Variants in CEACAM7 observed in about 807,000 individuals in gnomAD.
CEACAM7 encodes the protein cell adhesion molecule CEACAM7.
In CEACAM7, 24 loss-of-function variants were observed where a neutral mutation model predicts 25.7. The observed-to-expected ratio is 0.93, with a 90% CI of 0.68 to 1.31. The LOEUF is 1.31. Among genes scored for constraint, CEACAM7 ranks in the 40% most tolerant of loss-of-function variants. The pLI is 0.00. For missense variants in CEACAM7, 324 were observed against 330.1 expected, an observed-to-expected ratio of 0.98 and a Z score of 0.14; for synonymous variants, 144 against 129.4, an observed-to-expected ratio of 1.11 and a Z score of -0.77.
At chr19:41,688,043 G>A in intron 1 of CEACAM7, 59 bp downstream of exon 1, 2 of 1,507,374 alleles carry the variant, frequency 1.3e-6, no homozygotes, top group Non-Finnish European at 1.8e-6. Flanking sequence ...CTCCCAAGGA[G>A]ACCCCAGCCA....
At chr19:41,681,228 C>T (rs782353932) in intron 3 of CEACAM7, among the ~76,000 whole-genome samples, 4 of 152,126 alleles carry the variant, frequency 2.6e-5, no homozygotes, top group Non-Finnish European at 5.9e-5. Context: ...TACACCACCA[C>T]ACACATGTTA....
chr19:41,682,335 A>G (rs782304796), intron 3 of CEACAM7, among the ~76,000 whole-genome samples: 9 of 152,150 alleles, frequency 5.9e-5, no homozygotes, highest in Non-Finnish European at 7.4e-5. Context: ...TATCCTCGCT[A>G]TAAATACACA....
chr19:41,673,312 C>T lies in CEACAM7; in HGVS notation c.*1464G>A, dbSNP rs1201489254. The T allele has an allele frequency of 6.6e-6, 1 of 152,124 alleles. No individual in the cohort carries two copies. The highest frequency in any genetic ancestry group is 1.5e-5 in the Non-Finnish European group (1 of 68,034). 9.4% of individuals were successfully genotyped at this position (152,124 alleles called of 1,614,324 possible). On this transcript the variant is annotated 3_prime_UTR_variant, in exon 5 of 5. Coordinates refer to ENST00000401731, the MANE Select transcript of CEACAM7 (RefSeq NM_001291485.2). Reference sequence around the variant, plus strand: ...ATTATAACAAATTCAGTTATAGATACAATTGGCTTTTATTTGTGATTCATG... The same window carrying T: ...ATTATAACAAATTCAGTTATAGATATAATTGGCTTTTATTTGTGATTCATG...
chr19:41,678,800 A>G (rs555693074), intron 3 of CEACAM7, among the ~76,000 whole-genome samples: 35 of 152,368 alleles, frequency 2.3e-4, no homozygotes, highest in African/African-American at 8.2e-4. Flanking sequence ...TGATTATTAC[A>G]TTAAATCTTC....
chr19:41,679,751 T>C (rs1427052913), intron 3 of CEACAM7, among the ~76,000 whole-genome samples: 1 of 151,100 alleles, frequency 6.6e-6, no homozygotes, highest in African/African-American at 2.4e-5. Context: ...TCAGTTGAAA[T>C]CAGCTGTATT....
intron 1 of CEACAM7, 150 bp from the exon 2 acceptor site, chr19:41,687,371 G>A (rs1375363890): frequency 2.8e-5 from 21 of 749,434 alleles, no homozygotes; most frequent in Non-Finnish European, 3.4e-5. Context: ...ATCAATGTCA[G>A]CAGCATGTCC....
At chr19:41,679,371 A>C (rs1321742103) in intron 3 of CEACAM7, among the ~76,000 whole-genome samples, 1 of 152,184 alleles carries the variant, frequency 6.6e-6, no homozygotes, top group Non-Finnish European at 1.5e-5. Context: ...GTCAAAATTC[A>C]ACATTCTATC....
chr19:41,684,026 G>T lies in CEACAM7; in HGVS notation c.465C>A (p.Phe155Leu). 1 of 1,614,170 alleles carries T rather than the reference G, an allele frequency of 6.2e-7. No homozygotes were observed. The stretch of plus-strand genomic sequence containing the variant: ...CAATATCTTTGTTCTCCACCGGATT[G>T]AAGTTGTTGCTGGTGATGGAGGGCT... The part of the protein sequence containing the change: ...PPKPSITSNN[F>L]NPVENKDIVV... The change falls in exon 3 of 5, where the codon TTC becomes TTA. Residue 155 changes from phenylalanine to leucine, a missense_variant. Coordinates refer to ENST00000401731, the MANE Select transcript of CEACAM7 (RefSeq NM_001291485.2).
At position 41,684,108 on chromosome 19, in the gene CEACAM7, G is replaced by T. The variant is rs199934065; in HGVS notation, c.428-45C>A. 1.3e-5 allele frequency: 21 copies of T among 1,569,392 alleles called. No homozygotes were observed. The Admixed American group carries it at 2.8e-4, about 21-fold the overall frequency. ...AAAAGATTGCCCTGTGTGGCCCCTT[G>T]GTTCCCCCACGGACATCTTTCAATC... is the stretch of plus-strand genomic sequence containing the variant. On this transcript the variant is annotated intron_variant, in intron 2 of 4. Coordinates refer to ENST00000401731, the MANE Select transcript of CEACAM7 (RefSeq NM_001291485.2).
At chr19:41,687,416 C>G (rs940345396) in intron 1 of CEACAM7, among the ~76,000 whole-genome samples, 195 bp from the exon 2 acceptor site, 1 of 152,092 alleles carries the variant, frequency 6.6e-6, no homozygotes, top group African/African-American at 2.4e-5. Flanking sequence ...TTTCCCTGTT[C>G]GGAATCCTCT....
At chr19:41,682,272 A>C (rs1477066754) in intron 3 of CEACAM7, among the ~76,000 whole-genome samples, 3 of 151,836 alleles carry the variant, frequency 2.0e-5, no homozygotes, top group Admixed American at 2.0e-4. Flanking sequence ...TAATATGGTA[A>C]ATTTCAGGTT....
intron 2 of CEACAM7, among the ~76,000 whole-genome samples, chr19:41,686,022 G>T (rs12611404): frequency 0.52 from 79,204 of 151,502 alleles, 20,945 homozygotes; most frequent in Middle Eastern, 0.62. Context: ...TGCTGTCTGT[G>T]AATTTACCTT....
At chr19:41,687,244 G>A (rs1555811336) in intron 1 of CEACAM7, 23 bp from the exon 2 acceptor site, 12 of 1,568,836 alleles carry the variant, frequency 7.6e-6, no homozygotes, top group Non-Finnish European at 9.5e-6. Flanking sequence ...GAGAACATCA[G>A]TCAATATTGG....
intron 3 of CEACAM7, among the ~76,000 whole-genome samples, chr19:41,679,660 A>G (rs2072151589): frequency 6.6e-6 from 1 of 152,228 alleles, no homozygotes; most frequent in Admixed American, 6.5e-5. Flanking sequence ...ACATGTAGAA[A>G]ACCCTAGAGA....
intron 3 of CEACAM7, among the ~76,000 whole-genome samples, chr19:41,679,937 A>G (rs1250444271): frequency 1.4e-5 from 2 of 144,638 alleles, no homozygotes; most frequent in Non-Finnish European, 3.0e-5. Flanking sequence ...AAGTAGTTGA[A>G]ATTACAGGCG....
chr19:41,675,944 A>G (rs1441329504), intron 4 of CEACAM7, among the ~76,000 whole-genome samples: 1 of 152,270 alleles, frequency 6.6e-6, no homozygotes, highest in Non-Finnish European at 1.5e-5. Flanking sequence ...ATAATTTAAC[A>G]TATCAATTAA....
intron 3 of CEACAM7, among the ~76,000 whole-genome samples, chr19:41,678,181 A>G (rs9304597): frequency 0.75 from 113,847 of 151,910 alleles, 42,855 homozygotes; most frequent in East Asian, 0.93. Flanking sequence ...TCCCATCTTG[A>G]CTGCATCTCT....
At chr19:41,681,548 G>A (rs578125286) in intron 3 of CEACAM7, among the ~76,000 whole-genome samples, 35 of 152,270 alleles carry the variant, frequency 2.3e-4, no homozygotes, top group African/African-American at 7.7e-4. Flanking sequence ...CGAACGATAA[G>A]TCAAGAGGCA....
chr19:41,680,224 A>G (rs2072161300), intron 3 of CEACAM7, among the ~76,000 whole-genome samples: 1 of 152,062 alleles, frequency 6.6e-6, no homozygotes. Context: ...TCTTAGGAAT[A>G]TACTTAACCA....
Sources: allele counts gnomAD v4.1 joint callset (sites outside exome capture counted in the v4.1 genomes callset), GRCh38; gene constraint gnomAD v4.1.1; transcripts MANE v1.5; gene names NCBI Gene and HGNC (gene_info 2026-07-23, HGNC 2026-07-21).